PBX4: variants seen among roughly 807,000 people sequenced by gnomAD.
The protein encoded by PBX4 is PBX homeobox 4, also known as pre-B-cell leukemia transcription factor 4.
PBX4 carries 26 observed loss-of-function variants against 35.1 expected under a neutral mutation model. That is an observed-to-expected ratio of 0.74 (90% CI 0.54 to 1.03). The LOEUF is 1.03. Ranked by LOEUF, PBX4 falls within the 50% of genes least tolerant of loss-of-function variation. The pLI is 0.00. For missense variants in PBX4, 448 were observed against 504.3 expected (o/e 0.89, Z 1.07); for synonymous variants, 199 against 204.2 (o/e 0.97, Z 0.22).
Position 19,563,998 on chromosome 19 carries a change from T to A in PBX4, c.926-383A>T, listed in dbSNP as rs894054968. Among the ~76,000 whole-genome samples, 10 of 151,942 alleles carry A rather than the reference T, an allele frequency of 6.6e-5. No homozygotes were observed. Among genetic ancestry groups the A allele is most frequent in the Admixed American group, 2.0e-4 (3 of 15,238 alleles). ...AATTTGTTTTTTCTTTCTTTTTTTTTATTATTATTATACTTTAAGTTTTAG... is the reference window on the plus strand; with the variant it reads ...AATTTGTTTTTTCTTTCTTTTTTTTAATTATTATTATACTTTAAGTTTTAG... On this transcript the variant is annotated intron_variant, in intron 6 of 7. Transcript: ENST00000251203. This position sits in a 1 kb window ranked among gnomAD's most constrained non-coding sequence, Gnocchi z 5.1.
At chr19:19,584,818 G>A (rs1201707576) in intron 2 of PBX4, among the ~76,000 whole-genome samples, 18 of 151,680 alleles carry the variant, frequency 1.2e-4, no homozygotes, top group Non-Finnish European at 1.9e-4. Context: ...TAGAGATGGG[G>A]TTTCACTATG....
intron 1 of PBX4, among the ~76,000 whole-genome samples, chr19:19,604,538 T>C (rs907823499): frequency 6.6e-5 from 10 of 151,210 alleles, no homozygotes; most frequent in Non-Finnish European, 1.5e-4. Context: ...TATAAAATGT[T>C]TGTGGGGGAT....
chr19:19,564,754 C>A, intron 6 of PBX4, 179 bp downstream of exon 6: 1 of 741,138 alleles, frequency 1.3e-6, no homozygotes, highest in South Asian at 1.8e-5. Context: ...GCACAGGTAT[C>A]TGTTGGTTGG....
In PBX4 at chr19:19,570,660, C is replaced by A; in HGVS notation, c.367G>T (p.Glu123Ter). 6.2e-7 allele frequency: 1 copy of A among 1,614,162 alleles called. No homozygotes were observed. Among genetic ancestry groups the A allele is most frequent in the South Asian group, 1.1e-5 (1 of 91,070 alleles). The change falls in exon 3 of 8, where the codon GAG (glutamate) becomes TAG (stop). Residue 123 changes from glutamate (E) to a stop codon, truncating the protein, a stop_gained. Transcript: ENST00000251203. LOFTEE classifies it high-confidence loss of function. Reference sequence around the variant, plus strand: ...AGCTTGGCCCTGTAGTCAGAGTGCTCAATGCTATTGTCATTTGGACAGCCA... The same window carrying A: ...AGCTTGGCCCTGTAGTCAGAGTGCTAAATGCTATTGTCATTTGGACAGCCA... ...PGGCPNDNSIEHSDYRAKLSQ... is the reference protein window; with the variant it reads ...PGGCPNDNSI
intron 2 of PBX4, among the ~76,000 whole-genome samples, chr19:19,595,219 T>C (rs2061554021): frequency 1.3e-5 from 2 of 152,252 alleles, no homozygotes; most frequent in South Asian, 4.1e-4. Context: ...CACTGGCTTA[T>C]TTTTATTAGG....
At chr19:19,590,454 T>C (rs1481272551) in intron 2 of PBX4, among the ~76,000 whole-genome samples, 1 of 151,924 alleles carries the variant, frequency 6.6e-6, no homozygotes, top group Non-Finnish European at 1.5e-5. Flanking sequence ...GGACCACGTT[T>C]TGTTTTGTTT....
At chr19:19,594,657 G>C (rs1359219771) in intron 2 of PBX4, among the ~76,000 whole-genome samples, 1 of 152,128 alleles carries the variant, frequency 6.6e-6, no homozygotes, top group South Asian at 2.1e-4. Flanking sequence ...TTGGTTTCTC[G>C]TTCAGCCCCA....
chr19:19,561,763 C>T lies in PBX4; in HGVS notation c.*262G>A. 2.5e-6 allele frequency: 1 copy of T among 397,744 alleles called. No homozygotes were observed. Among genetic ancestry groups the T allele is most frequent in the Non-Finnish European group, 4.5e-6 (1 of 221,414 alleles). 24.6% of individuals were successfully genotyped at this position (397,744 alleles called of 1,614,324 possible). ...GGAAAATCTGTGCCCAGTCCTAGAA[C>T]AGACAATTCAATTCATAGCGTTACC... On this transcript the variant is annotated 3_prime_UTR_variant, in exon 8 of 8. Transcript: ENST00000251203.
intron 2 of PBX4, among the ~76,000 whole-genome samples, chr19:19,590,969 CA>C (rs1463600323): frequency 6.6e-6 from 1 of 152,112 alleles, no homozygotes; most frequent in Admixed American, 6.6e-5. Context: ...CTGAGGAATG[CA>C]CTGGTTAATT....
intron 1 of PBX4, among the ~76,000 whole-genome samples, chr19:19,613,473 A>AAAAAAAG: frequency 7.0e-6 from 1 of 143,384 alleles, no homozygotes; most frequent in Non-Finnish European, 1.6e-5. Context: ...AAAAAAAAAA[A>AAAAAAAG]GTAACTGGCT....
chr19:19,567,231 A>AG (rs763110024), intron 5 of PBX4, among the ~76,000 whole-genome samples: 27 of 152,158 alleles, frequency 1.8e-4, no homozygotes, highest in Non-Finnish European at 1.6e-4. Context: ...ACGCTTCTCC[A>AG]GGGGCCTTGA....
intron 3 of PBX4, 106 bp downstream of exon 3, chr19:19,570,480 T>C: frequency 6.6e-7 from 1 of 1,525,062 alleles, no homozygotes; most frequent in Non-Finnish European, 8.9e-7. Context: ...ACCAACTGCA[T>C]GGACTCCCTG....
At chr19:19,609,272 A>C (rs1478731070) in intron 1 of PBX4, among the ~76,000 whole-genome samples, 1 of 152,166 alleles carries the variant, frequency 6.6e-6, no homozygotes, top group African/African-American at 2.4e-5. Context: ...GTGAAGAGCC[A>C]GGCGCAGTAG....
rs1010704186 is a variant in PBX4, at chr19:19,562,726, G to A, written c.1033-609C>T. Among the ~76,000 whole-genome samples, 2 of 152,198 alleles carry A rather than the reference G, an allele frequency of 1.3e-5. No homozygotes were observed. Among genetic ancestry groups the A allele is most frequent in the East Asian group, 1.9e-4 (1 of 5,178 alleles). On this transcript the variant is annotated intron_variant, in intron 7 of 7. Transcript: ENST00000251203. This position sits in a 1 kb window ranked among gnomAD's most constrained non-coding sequence, Gnocchi z 4.8. Reference sequence around the variant, plus strand: ...GTGAGTGTGGGAGCAGCTCAGACGGGTGCACCACCTGGGGGCACTCTGCTC... The same window carrying A: ...GTGAGTGTGGGAGCAGCTCAGACGGATGCACCACCTGGGGGCACTCTGCTC...
rs1218061912 is a variant in PBX4 at position 19,565,057 on chromosome 19, C to G, written c.801G>C (p.Arg267=). The G allele has an allele frequency of 6.2e-7, 1 of 1,614,090 alleles. No individual in the cohort carries two copies. Among genetic ancestry groups the G allele is most frequent in the Non-Finnish European group, 8.5e-7 (1 of 1,180,048 alleles). Residue 267 remains arginine, a synonymous_variant, in exon 6 of 8, where the codon CGG becomes CGC. Transcript: ENST00000251203. The part of the protein sequence containing the change: ...VSNWFGNKRI[R]YKKNMGKFQE... ...GAAACTTCCCCATGTTCTTTTTATA[C>G]CGGATTCTTTTGTTGCCAAACCAGT... is the stretch of plus-strand genomic sequence containing the variant.
chr19:19,612,958 T>C (rs2061670530), intron 1 of PBX4, among the ~76,000 whole-genome samples: 1 of 151,548 alleles, frequency 6.6e-6, no homozygotes, highest in Non-Finnish European at 1.5e-5. Flanking sequence ...AGCTGACACA[T>C]ACTACAGGTG....
intron 1 of PBX4, among the ~76,000 whole-genome samples, chr19:19,600,403 A>T (rs960998036): frequency 6.6e-6 from 1 of 151,874 alleles, no homozygotes; most frequent in African/African-American, 2.4e-5. Flanking sequence ...GTATGCCTGT[A>T]GTCCCAATCC....
At chr19:19,566,583 G>A (rs979568183) in intron 5 of PBX4, among the ~76,000 whole-genome samples, 14 of 152,162 alleles carry the variant, frequency 9.2e-5, no homozygotes, top group African/African-American at 2.9e-4. Flanking sequence ...GGAGTGCAGC[G>A]GTGCGATCTC....
chr19:19,563,407 C>T lies in PBX4; in HGVS notation c.1032+102G>A, dbSNP rs1600388994. The stretch of plus-strand genomic sequence containing the variant: ...GCATGGCCTGTGTGGCTGCTGGGAC[C>T]TCTGGGGAAGCTGCCCCAAGGCCGA... On this transcript the variant is annotated intron_variant, in intron 7 of 7. Transcript: ENST00000251203. This position sits in a 1 kb window ranked among gnomAD's most constrained non-coding sequence, Gnocchi z 5.1. 1.1e-6 allele frequency: 1 copy of T among 927,980 alleles called. No homozygotes were observed. The highest frequency in any genetic ancestry group is 1.6e-6 in the Non-Finnish European group (1 of 623,240). The allele number at this position is 927,980 out of a possible 1,614,324, so 57.5% of individuals were successfully genotyped here.
Sources: allele counts gnomAD v4.1 joint callset (sites outside exome capture counted in the v4.1 genomes callset), GRCh38; gene constraint gnomAD v4.1.1; non-coding constraint Gnocchi (gnomAD v3.1); transcripts MANE v1.5; gene names NCBI Gene and HGNC (gene_info 2026-07-23, HGNC 2026-07-21).